The following DHRS12 variants were observed in gnomAD, a reference collection of about 807,000 sequenced individuals.
DHRS12 encodes the protein dehydrogenase/reductase 12, also known as dehydrogenase/reductase SDR family member 12.
A neutral mutation model predicts 32.1 loss-of-function variants in DHRS12; 29 were observed. The observed-to-expected ratio is 0.90, with a 90% CI of 0.67 to 1.23. The LOEUF is 1.23. Ranked by LOEUF, DHRS12 falls within the 50% of genes most tolerant of loss-of-function variation. DHRS12 has a pLI of 0.00. For synonymous variants in DHRS12, 150 were observed against 135.9 expected (o/e 1.10, Z -0.72); for missense variants, 330 against 337.2 (o/e 0.98, Z 0.17).
chr13:51,763,954 A>C (rs1953668144), downstream of DHRS12: 1 of 152,214 alleles, frequency 6.6e-6, no homozygotes, highest in African/African-American at 2.4e-5. Context: ...CTGTTCATAG[A>C]ATTTTAATTC....
At position 51,768,845 on chromosome 13, in the gene DHRS12, T is replaced by C. The variant is rs977979097; in HGVS notation, c.697+311A>G. On this transcript the variant is annotated intron_variant, in intron 8 of 8. Coordinates refer to ENST00000444610, the MANE Select transcript of DHRS12 (RefSeq NM_001377533.1). ...ACTCCCTTTGCAGTGCAGCTTTGAA[T>C]AGCGCCCCTCCTGGGCCTCAGCAAA... is the stretch of plus-strand genomic sequence containing the variant. 20 of 1,334,810 alleles carry C rather than the reference T, an allele frequency of 1.5e-5. 1 individual carries two copies. The Admixed American group carries it at 6.9e-4, about 46-fold the overall frequency. The allele number at this position is 1,334,810 out of a possible 1,614,324, so 82.7% of individuals were successfully genotyped here.
the DHRS12 span, chr13:51,760,616 C>G: frequency 9.2e-5 from 14 of 152,168 alleles, no homozygotes; most frequent in African/African-American, 3.1e-4. Flanking sequence ...CTCCCTCACT[C>G]GTAACAATGA....
At chr13:51,796,631 C>T (rs1235927478) in intron 2 of DHRS12, among the ~76,000 whole-genome samples, 1 of 152,232 alleles carries the variant, frequency 6.6e-6, no homozygotes, top group African/African-American at 2.4e-5. Context: ...GCCCACACCA[C>T]AGCAGGCTGG....
At chr13:51,766,504 C>A (rs1402538677), downstream of DHRS12, 2 of 152,210 alleles carry the variant, frequency 1.3e-5, no homozygotes, top group African/African-American at 4.8e-5. Flanking sequence ...GAACAGATTT[C>A]TCCCGTGTGG....
intron 7 of DHRS12, 119 bp from the exon 8 acceptor site, chr13:51,769,412 T>G (rs1412596798): frequency 1.1e-5 from 10 of 881,832 alleles, no homozygotes; most frequent in Non-Finnish European, 1.6e-5. Flanking sequence ...AACTGCTCCT[T>G]CTATTTTATA....
In DHRS12 at chr13:51,770,154, C is replaced by T. The variant is rs567749194; in HGVS notation, c.560-861G>A. Among the ~76,000 whole-genome samples the T allele has an allele frequency of 2.0e-5, 3 of 152,306 alleles. No individual in the cohort carries two copies. In the East Asian group the frequency reaches 5.8e-4, roughly 29 times the overall value. On this transcript the variant is annotated intron_variant, in intron 7 of 8. Transcript: ENST00000444610. ...CCTTTTTTAAATTAAAAATAAACAT[C>T]TTTTTTTCTTTTCACAGAAGCAATA...
chr13:51,775,930 C>T (rs1329365449), intron 5 of DHRS12: 1 of 146,148 alleles, frequency 6.8e-6, no homozygotes, highest in African/African-American at 2.6e-5. Context: ...TATTCTCCTA[C>T]ATGTACTCTA....
chr13:51,766,143 T>C (rs1953741583), downstream of DHRS12: 1 of 152,268 alleles, frequency 6.6e-6, no homozygotes, highest in African/African-American at 2.4e-5. Flanking sequence ...GCGTCACTTG[T>C]AACCATTGTA....
chr13:51,757,636 T>TAAA, the DHRS12 span, among the ~76,000 whole-genome samples: 1 of 142,704 alleles, frequency 7.0e-6, no homozygotes, highest in Admixed American at 7.0e-5. Flanking sequence ...TCTTCTTACT[T>TAAA]AAAAAAAAAA....
intron 4 of DHRS12, chr13:51,789,562 G>A: frequency 1.0e-6 from 1 of 985,424 alleles, no homozygotes; most frequent in Non-Finnish European, 1.2e-6. Flanking sequence ...GATATAAAAT[G>A]ACTTCACTCT....
At chr13:51,760,295 TC>T in the DHRS12 span, 1 of 152,302 alleles carries the variant, frequency 6.6e-6, no homozygotes, top group African/African-American at 2.4e-5. Context: ...TTTCATGTCC[TC>T]CTCAGTGGAG....
chr13:51,766,776 A>C (rs1409787423), downstream of DHRS12: 1 of 152,246 alleles, frequency 6.6e-6, no homozygotes, highest in Non-Finnish European at 1.5e-5. Flanking sequence ...GTTTAAAATA[A>C]ATCTCTGTGA....
chr13:51,759,696 A>G, the DHRS12 span: 4 of 1,608,644 alleles, frequency 2.5e-6, no homozygotes, highest in Non-Finnish European at 3.4e-6. Context: ...TGTTATCCTC[A>G]ACACAATTTT....
intron 1 of DHRS12, among the ~76,000 whole-genome samples, chr13:51,800,708 T>C (rs1422132199): frequency 6.6e-6 from 1 of 152,246 alleles, no homozygotes; most frequent in East Asian, 1.9e-4. Flanking sequence ...GCTCTGGAAC[T>C]CGGGGAAGTG....
chr13:51,768,344 G>A, intron 8 of DHRS12, 48 bp from the exon 9 acceptor site: 2 of 1,534,042 alleles, frequency 1.3e-6, no homozygotes, highest in Non-Finnish European at 8.7e-7. Flanking sequence ...CTGCAGCGTG[G>A]CTGGGTCCAT....
intron 4 of DHRS12, among the ~76,000 whole-genome samples, chr13:51,781,511 G>A (rs776251683): frequency 1.1e-4 from 17 of 152,192 alleles, no homozygotes; most frequent in Admixed American, 2.6e-4. Context: ...ACTCACGGTC[G>A]AGGTAAGTGC....
chr13:51,799,527 T>G lies in DHRS12; in HGVS notation c.126+7A>C. 6.2e-7 allele frequency: 1 copy of G among 1,613,034 alleles called. No homozygotes were observed. Among genetic ancestry groups the G allele is most frequent in the East Asian group, 2.2e-5 (1 of 44,880 alleles). ...CTCAGTGGACACACGTGTTAGCAGC[T>G]GCTTACCTCGCTTGGCGATTTCAAG... On this transcript the variant is annotated splice_region_variant and intron_variant, in intron 2 of 8. Transcript: ENST00000444610.
chr13:51,770,844 G>C, intron 7 of DHRS12: 3 of 1,071,224 alleles, frequency 2.8e-6, no homozygotes, highest in Non-Finnish European at 3.4e-6. Context: ...GGCATGATTG[G>C]CAGCAGAGTC....
At chr13:51,767,967 A>AT, downstream of DHRS12, 1 of 1,354,878 alleles carries the variant, frequency 7.4e-7, no homozygotes, top group Non-Finnish European at 9.5e-7. Context: ...TGAGACTTAA[A>AT]ATAAGAAAAG....
Sources: gnomAD v4.1 joint callset for allele counts (sites outside exome capture counted in the v4.1 genomes callset) on GRCh38, gnomAD v4.1.1 for gene constraint, MANE v1.5 for transcripts, NCBI Gene and HGNC (gene_info 2026-07-23, HGNC 2026-07-21) for gene names.